PIGZ: variants seen among roughly 807,000 people sequenced by gnomAD.
PIGZ encodes phosphatidylinositol glycan anchor biosynthesis class Z (Gwada blood group).
Under a neutral mutation model 16.4 loss-of-function variants are expected in PIGZ, and 16 were observed. That is an observed-to-expected ratio of 0.97 (90% CI 0.66 to 1.48). The LOEUF is 1.48. Ranked by LOEUF, PIGZ falls within the 40% of genes most tolerant of loss-of-function variation. The pLI, the probability that PIGZ is intolerant of heterozygous loss-of-function variation, is 0.00. For synonymous variants in PIGZ, 409 were observed against 338.4 expected, an observed-to-expected ratio of 1.21 and a Z score of -2.29; for missense variants, 770 against 739.2, an observed-to-expected ratio of 1.04 and a Z score of -0.48.
At chr3:196,963,706 A>C (rs1012975854) in intron 1 of PIGZ, among the ~76,000 whole-genome samples, 9 of 152,194 alleles carry the variant, frequency 5.9e-5, no homozygotes, top group Admixed American at 5.9e-4. Flanking sequence ...CCCTAACAAC[A>C]GGTTCTGTTA....
chr3:196,964,128 G>A (rs1407786360), intron 1 of PIGZ, among the ~76,000 whole-genome samples: 1 of 151,964 alleles, frequency 6.6e-6, no homozygotes, highest in Non-Finnish European at 1.5e-5. Flanking sequence ...TCAGCTCACT[G>A]CAAGCTCCAC....
In PIGZ at chr3:196,962,549, G is replaced by T. The variant is rs544326157; in HGVS notation, c.-1+6138C>A. Among the ~76,000 whole-genome samples the T allele has an allele frequency of 1.5e-4, 23 of 151,984 alleles. No individual in the cohort carries two copies. The South Asian group carries it at 2.9e-3, about 19-fold the overall frequency. On this transcript the variant is annotated intron_variant, in intron 1 of 2. Coordinates refer to ENST00000412723, the MANE Select transcript of PIGZ (RefSeq NM_025163.4). ...AAAGCATCTGTCTCATGATCCCCTG[G>T]GAATGGAATGTCTTGGTGTAAAACC...
chr3:196,961,740 C>G (rs1005450746), intron 1 of PIGZ, among the ~76,000 whole-genome samples: 2 of 152,198 alleles, frequency 1.3e-5, no homozygotes, highest in African/African-American at 4.8e-5. Context: ...ACATGACAAA[C>G]TGAGAAGTGT....
At chr3:196,960,451 C>T (rs976388940) in intron 1 of PIGZ, among the ~76,000 whole-genome samples, 2 of 152,024 alleles carry the variant, frequency 1.3e-5, no homozygotes, top group Non-Finnish European at 2.9e-5. Context: ...GCGGGTGGAT[C>T]ACCTGAGGTC....
At chr3:196,963,342 A>C (rs1490965419) in intron 1 of PIGZ, among the ~76,000 whole-genome samples, 1 of 152,190 alleles carries the variant, frequency 6.6e-6, no homozygotes, top group African/African-American at 2.4e-5. Context: ...TCCTATGGTA[A>C]CTTTATGTTT....
At chr3:196,950,466 C>T (rs1025424630) in intron 2 of PIGZ, among the ~76,000 whole-genome samples, 2 of 152,232 alleles carry the variant, frequency 1.3e-5, no homozygotes, top group African/African-American at 2.4e-5. Context: ...TGATCACCTG[C>T]TGGCTGTTTC....
At chr3:196,954,390 C>T (rs1324771247) in intron 1 of PIGZ, among the ~76,000 whole-genome samples, 2 of 152,224 alleles carry the variant, frequency 1.3e-5, no homozygotes, top group Admixed American at 6.5e-5. Flanking sequence ...GTAGTTTGTA[C>T]TGTAGCTTAT....
chr3:196,951,472 A>G (rs1717279569), intron 2 of PIGZ: 3 of 335,002 alleles, frequency 9.0e-6, no homozygotes, highest in African/African-American at 2.1e-5. Context: ...TCACAGCCCT[A>G]TGGAAGCTCT....
intron 2 of PIGZ, among the ~76,000 whole-genome samples, chr3:196,949,914 G>T (rs1717200216): frequency 6.6e-6 from 1 of 152,130 alleles, no homozygotes; most frequent in African/African-American, 2.4e-5. Flanking sequence ...GAGATGGGGG[G>T]AGAGAAGAGG....
intron 2 of PIGZ, among the ~76,000 whole-genome samples, chr3:196,950,004 TAGAC>T (rs768820263): frequency 6.6e-6 from 1 of 152,046 alleles, no homozygotes; most frequent in Non-Finnish European, 1.5e-5. Context: ...TTTTTTTTTT[TAGAC>T]AGAGTCTCAC....
intron 1 of PIGZ, among the ~76,000 whole-genome samples, 163 bp downstream of exon 1, chr3:196,968,524 T>C (rs1718030239): frequency 6.6e-6 from 1 of 152,200 alleles, no homozygotes; most frequent in Non-Finnish European, 1.5e-5. Context: ...GACAGGTGCC[T>C]GCGAGAATGC....
chr3:196,966,171 A>G lies in PIGZ; in HGVS notation c.-1+2516T>C, dbSNP rs1717918039. Among the ~76,000 whole-genome samples, 5 of 152,246 alleles carry G rather than the reference A, an allele frequency of 3.3e-5. No individual in the cohort carries two copies. In the South Asian group the frequency reaches 6.2e-4, roughly 19 times the overall value. The stretch of plus-strand genomic sequence containing the variant: ...TGGCTCACACGGTTTCACTTACCCA[A>G]TACGCTAATAACATGGAGGTTAAGA... On this transcript the variant is annotated intron_variant, in intron 1 of 2. Coordinates refer to ENST00000412723, the MANE Select transcript of PIGZ (RefSeq NM_025163.4).
chr3:196,948,503 GGAGTC>G lies in PIGZ; in HGVS notation c.389_393del (p.Arg130ProfsTer50). On this transcript the variant is annotated frameshift_variant, in exon 3 of 3. Transcript: ENST00000412723. LOFTEE classifies it low-confidence loss of function (END_TRUNC). The stretch of plus-strand genomic sequence containing the variant: ...AGAGCAAAGGAAAGGGCAGTGAGGA[GGAGTC>G]GAGGCCCCACCAGCAGCGCATAGCC... The G allele has an allele frequency of 2.5e-6, 4 of 1,613,124 alleles. No homozygotes were observed. The highest frequency in any genetic ancestry group is 2.5e-6 in the Non-Finnish European group (3 of 1,179,572).
chr3:196,954,822 T>C (rs1040053297), intron 1 of PIGZ, among the ~76,000 whole-genome samples: 6 of 152,274 alleles, frequency 3.9e-5, no homozygotes, highest in African/African-American at 1.4e-4. Context: ...ATGGTCATTT[T>C]TGTAGATATT....
chr3:196,967,877 G>A (rs560698758), intron 1 of PIGZ, among the ~76,000 whole-genome samples: 5 of 152,366 alleles, frequency 3.3e-5, no homozygotes, highest in African/African-American at 1.2e-4. Context: ...CCGCGACCTT[G>A]CAGTGCGCCT....
At chr3:196,949,041 T>TCCTTC (rs1452846993) in intron 2 of PIGZ, among the ~76,000 whole-genome samples, 4 of 58,658 alleles carry the variant, frequency 6.8e-5, no homozygotes, top group Non-Finnish European at 1.1e-4. Flanking sequence ...TTCCCTTCCT[T>TCCTTC]CCTTCCCTTC....
chr3:196,947,807 A>G lies in PIGZ; in HGVS notation c.1090T>C (p.Ser364Pro). The part of the protein sequence containing the change: ...LRALGARSLL[S>P]SPRSYLLLLY... ...AGAAGGAGATAGGACCTGGGGCTGG[A>G]CAGCAGGCTCCGGGCACCCAGTGCC... Residue 364 changes from serine (S) to proline (P), a missense_variant, in exon 3 of 3, where the codon TCC becomes CCC. Transcript: ENST00000412723. The G allele has an allele frequency of 5.6e-6, 9 of 1,608,546 alleles. No homozygotes were observed. Among genetic ancestry groups the G allele is most frequent in the Non-Finnish European group, 7.7e-6 (9 of 1,176,468 alleles).
rs1382142204 is a variant in PIGZ at position 196,948,209 on chromosome 3, AG to A, written c.687del (p.Leu231TrpfsTer21). On this transcript the variant is annotated frameshift_variant, in exon 3 of 3. Coordinates refer to ENST00000412723, the MANE Select transcript of PIGZ (RefSeq NM_025163.4). LOFTEE classifies it low-confidence loss of function (END_TRUNC). The stretch of plus-strand genomic sequence containing the variant: ...AGGGGGACCACAGCAAAGGCCAGAA[AG>A]GTGGGCCGGTTGAAGAAGCCAGCAG... ...IVAAGFFNRP[T>X]FLAFAVVPLY... is the part of the protein sequence containing the mutation. The A allele has an allele frequency of 2.3e-5, 37 of 1,614,068 alleles. No homozygotes were observed. Among genetic ancestry groups the A allele is most frequent in the Non-Finnish European group, 3.1e-5 (36 of 1,180,036 alleles).
At position 196,951,878 on chromosome 3, in the gene PIGZ, G is replaced by T. The variant is rs1717299678; in HGVS notation, c.154C>A (p.Pro52Thr). The T allele has an allele frequency of 3.1e-6, 5 of 1,614,062 alleles. No homozygotes were observed. Residue 52 changes from proline to threonine, a missense_variant, in exon 2 of 3, where the codon CCG becomes ACG. Physicochemically the swap from Pro to Thr is conservative, Grantham distance 38 (BLOSUM62 -1). Transcript: ENST00000412723. ...SLLRVLWCLL[P>T]QTGYVHPDEF... ...TCTGGGTGCACATAGCCCGTCTGCG[G>T]AAGGAGACACCACAGCACTCGGAGC...
Sources: allele counts gnomAD v4.1 joint callset (sites outside exome capture counted in the v4.1 genomes callset), GRCh38; gene constraint gnomAD v4.1.1; transcripts MANE v1.5; gene names NCBI Gene and HGNC (gene_info 2026-07-23, HGNC 2026-07-21).